The following STIM2 variants were observed in gnomAD, a reference collection of about 807,000 sequenced individuals.
The protein encoded by STIM2 is stromal interaction molecule 2.
In STIM2, 31 loss-of-function variants were observed where a neutral mutation model predicts 85.8. That is an observed-to-expected ratio of 0.36 (90% CI 0.27 to 0.49). STIM2 has a LOEUF of 0.49. Ranked by LOEUF, STIM2 falls within the 20% of genes least tolerant of loss-of-function variation. The probability of loss-of-function intolerance (pLI) is 0.98; values close to 1 mark genes in which losing one functional copy is unlikely to be tolerated. For missense variants in STIM2, 841 were observed against 927.6 expected (o/e 0.91, Z 1.21); for synonymous variants, 356 against 331.1 (o/e 1.08, Z -0.82).
At chr4:26,886,304 A>T (rs972841386) in intron 1 of STIM2, among the ~76,000 whole-genome samples, 23 of 152,180 alleles carry the variant, frequency 1.5e-4, no homozygotes, top group African/African-American at 5.6e-4. Context: ...GAACACTTAC[A>T]GATATTGTTG....
rs528655274 is a variant in STIM2 at position 26,896,803 on chromosome 4, T to A, written c.152-22701T>A. Among the ~76,000 whole-genome samples, 21 of 152,336 alleles carry A rather than the reference T, an allele frequency of 1.4e-4. No individual in the cohort carries two copies. The East Asian group carries it at 2.9e-3, about 21-fold the overall frequency. On this transcript the variant is annotated intron_variant, in intron 1 of 11. Transcript: ENST00000467087. The stretch of plus-strand genomic sequence containing the variant: ...TTCTTTGTACAGATTCATATAACCA[T>A]CACATTTCAAGACACAGGACTGCTC...
chr4:26,965,600 G>C (rs1225548260), intron 3 of STIM2, among the ~76,000 whole-genome samples: 1 of 151,966 alleles, frequency 6.6e-6, no homozygotes, highest in Non-Finnish European at 1.5e-5. Context: ...CTACCCATCA[G>C]GGCTGTTTTG....
At chr4:26,953,237 C>T (rs1432218723) in intron 2 of STIM2, among the ~76,000 whole-genome samples, 1 of 152,154 alleles carries the variant, frequency 6.6e-6, no homozygotes, top group African/African-American at 2.4e-5. Flanking sequence ...TTCCCCAAAA[C>T]ATGTATTAAA....
chr4:26,944,285 T>C (rs1725731181), intron 2 of STIM2, among the ~76,000 whole-genome samples: 1 of 152,150 alleles, frequency 6.6e-6, no homozygotes, highest in Admixed American at 6.6e-5. Context: ...TACTTGTTCT[T>C]TAATTTTTAA....
At chr4:26,890,641 G>A (rs986468943) in intron 1 of STIM2, among the ~76,000 whole-genome samples, 8 of 151,858 alleles carry the variant, frequency 5.3e-5, no homozygotes, top group African/African-American at 1.9e-4. Flanking sequence ...CAGCTAAAAC[G>A]TTGAAACCCC....
At chr4:26,936,088 A>G (rs73116670) in intron 2 of STIM2, among the ~76,000 whole-genome samples, 5,773 of 152,264 alleles carry the variant, frequency 0.038, 257 homozygotes, top group African/African-American at 0.11. Flanking sequence ...TTAAAGTAAG[A>G]TGGTTCTGTA....
At chr4:27,011,793 T>C (rs1255708022) in intron 10 of STIM2, among the ~76,000 whole-genome samples, 1 of 152,166 alleles carries the variant, frequency 6.6e-6, no homozygotes, top group Non-Finnish European at 1.5e-5. Context: ...CCCTGCAAGA[T>C]TCCATACTGA....
chr4:26,863,763 T>C (rs1577401929), intron 1 of STIM2, among the ~76,000 whole-genome samples: 2 of 152,078 alleles, frequency 1.3e-5, no homozygotes, highest in Non-Finnish European at 2.9e-5. Flanking sequence ...AAATTGAAAA[T>C]TTTTGAAAGC....
intron 3 of STIM2, among the ~76,000 whole-genome samples, chr4:26,992,600 G>A (rs1184290644): frequency 6.6e-6 from 1 of 152,110 alleles, no homozygotes; most frequent in Middle Eastern, 3.2e-3. Context: ...AGTTTTAGCT[G>A]AGATATGAAG....
chr4:26,927,971 T>C (rs1577443061), intron 2 of STIM2, among the ~76,000 whole-genome samples: 1 of 151,166 alleles, frequency 6.6e-6, no homozygotes, highest in Non-Finnish European at 1.5e-5. Context: ...TGAACAGAAA[T>C]TTATTGACTC....
intron 4 of STIM2, among the ~76,000 whole-genome samples, chr4:26,997,366 G>A (rs530940836): frequency 2.0e-5 from 3 of 152,052 alleles, no homozygotes; most frequent in African/African-American, 4.8e-5. Context: ...TTTTATGTTG[G>A]CTGTAGTGGT....
At chr4:26,909,889 A>G (rs765504265) in intron 1 of STIM2, among the ~76,000 whole-genome samples, 4 of 152,194 alleles carry the variant, frequency 2.6e-5, no homozygotes, top group African/African-American at 4.8e-5. Context: ...CTAGGGTCTC[A>G]AAAGGGCCAG....
At chr4:26,861,597 C>T in intron 1 of STIM2, 1 of 498,000 alleles carries the variant, frequency 2.0e-6, no homozygotes, top group Non-Finnish European at 3.0e-6. Context: ...TGATTCCCCT[C>T]CCTTCAGTCG....
At chr4:27,011,034 A>T (rs1728537930) in intron 10 of STIM2, among the ~76,000 whole-genome samples, 1 of 152,212 alleles carries the variant, frequency 6.6e-6, no homozygotes, top group South Asian at 2.1e-4. Context: ...TACCAAAAAG[A>T]TAAACAGGTT....
chr4:27,022,989 C>CT lies in STIM2; in HGVS notation c.2235dup (p.Lys746Ter). 6.2e-7 allele frequency: 1 copy of CT among 1,610,132 alleles called. No homozygotes were observed. The highest frequency in any genetic ancestry group is 8.5e-7 in the Non-Finnish European group (1 of 1,179,438). ...ATCAAAAGCCTTTTTAAGAAGAAAT[C>CT]TAAGTGAACTGGCTGACTTGATGGA... On this transcript the variant is annotated frameshift_variant, in exon 12 of 12. Transcript: ENST00000467087. LOFTEE classifies it high-confidence loss of function.
intron 1 of STIM2, among the ~76,000 whole-genome samples, chr4:26,890,834 A>G (rs1181582214): frequency 6.6e-6 from 1 of 151,932 alleles, no homozygotes; most frequent in Admixed American, 6.6e-5. Context: ...AAAAAAAAAA[A>G]AAAAAAAAAG....
At chr4:26,862,489 T>A (rs560000263) in intron 1 of STIM2, among the ~76,000 whole-genome samples, 7 of 152,196 alleles carry the variant, frequency 4.6e-5, no homozygotes, top group Admixed American at 4.6e-4. Context: ...CTCTGACAAG[T>A]GCTCAGGAAC....
intron 3 of STIM2, among the ~76,000 whole-genome samples, chr4:26,967,565 A>T (rs1726770114): frequency 6.6e-6 from 1 of 152,206 alleles, no homozygotes; most frequent in South Asian, 2.1e-4. Context: ...ATAATTCTTC[A>T]TTTAGGTCTC....
At chr4:26,971,755 G>GT (rs1342538757) in intron 3 of STIM2, among the ~76,000 whole-genome samples, 1 of 150,584 alleles carries the variant, frequency 6.6e-6, no homozygotes, top group Non-Finnish European at 1.5e-5. Flanking sequence ...ATGAACAGTA[G>GT]TTTTTTTCCA....
Sources: allele counts gnomAD v4.1 joint callset (sites outside exome capture counted in the v4.1 genomes callset), GRCh38; gene constraint gnomAD v4.1.1; transcripts MANE v1.5; gene names NCBI Gene and HGNC (gene_info 2026-07-23, HGNC 2026-07-21).